MECOM: variants seen among roughly 807,000 people sequenced by gnomAD.
MECOM encodes the protein MDS1 and EVI1 complex locus.
Under a neutral mutation model 116.3 loss-of-function variants are expected in MECOM, and 13 were observed. The ratio of observed to expected loss-of-function variants is 0.11; its 90% CI spans 0.07 to 0.18. The LOEUF is 0.18. MECOM is among the 10% of genes least tolerant of loss of function. MECOM has a pLI of 1.00. For missense variants in MECOM, 1,299 were observed against 1,509.0 expected (o/e 0.86, Z 2.31); for synonymous variants, 528 against 535.2 (o/e 0.99, Z 0.19).
At chr3:169,653,587 T>A (rs1775180129) in intron 1 of MECOM, among the ~76,000 whole-genome samples, 1 of 151,496 alleles carries the variant, frequency 6.6e-6, no homozygotes, top group Admixed American at 6.6e-5. Context: ...TGGCCAAAAT[T>A]TGGATGGTAG....
intron 7 of MECOM, among the ~76,000 whole-genome samples, chr3:169,120,111 C>G (rs1455078925): frequency 2.6e-5 from 4 of 152,182 alleles, no homozygotes; most frequent in African/African-American, 9.7e-5. Flanking sequence ...GAGTATGCTT[C>G]AACCAATTCT....
chr3:169,273,751 T>C (rs565130027), intron 2 of MECOM, among the ~76,000 whole-genome samples: 10 of 152,108 alleles, frequency 6.6e-5, no homozygotes, highest in African/African-American at 1.7e-4. Context: ...AAAGGCCCCA[T>C]AGGGCAGCAA....
At chr3:169,215,087 GTTTAAC>G (rs2149483809) in intron 2 of MECOM, among the ~76,000 whole-genome samples, 1 of 150,678 alleles carries the variant, frequency 6.6e-6, no homozygotes, top group Non-Finnish European at 1.5e-5. Context: ...AGCCATGTTT[GTTTAAC>G]TTTATTTTAT....
At chr3:169,521,256 C>T (rs768851221) in intron 1 of MECOM, among the ~76,000 whole-genome samples, 1 of 152,184 alleles carries the variant, frequency 6.6e-6, no homozygotes, top group Non-Finnish European at 1.5e-5. Flanking sequence ...AACTTCCCTA[C>T]TCCTTACAGC....
intron 2 of MECOM, among the ~76,000 whole-genome samples, chr3:169,323,013 A>T (rs1320050379): frequency 8.6e-5 from 13 of 150,700 alleles, no homozygotes; most frequent in Non-Finnish European, 1.3e-4. Flanking sequence ...AAAAAAAAAA[A>T]AAAAAAAAAA....
intron 2 of MECOM, among the ~76,000 whole-genome samples, chr3:169,343,381 G>C (rs1724870945): frequency 6.6e-6 from 1 of 152,066 alleles, no homozygotes; most frequent in Non-Finnish European, 1.5e-5. Context: ...TGACAATGTT[G>C]GCAGCTGCTT....
At position 169,116,062 on chromosome 3, in the gene MECOM, C is replaced by T; in HGVS notation, c.1810G>A (p.Asp604Asn). 1 of 1,614,138 alleles carries T rather than the reference C, an allele frequency of 6.2e-7. No individual in the cohort carries two copies. The highest frequency in any genetic ancestry group is 8.5e-7 in the Non-Finnish European group (1 of 1,180,034). Reference sequence around the variant, plus strand: ...AATTTCTCTTTATCACTTTCAATGTCACTTTCCAGATCAGAGCCCGAGGTT... The same window carrying T: ...AATTTCTCTTTATCACTTTCAATGTTACTTTCCAGATCAGAGCCCGAGGTT... ...ETTSGSDLESDIESDKEKFKE... is the reference protein window; with the variant it reads ...ETTSGSDLESNIESDKEKFKE... The change falls in exon 8 of 17, where the codon GAC becomes AAC. Residue 604 changes from aspartate (D) to asparagine (N), a missense_variant. By Grantham distance (23) the Asp-to-Asn change is conservative (BLOSUM62 1). Coordinates refer to ENST00000651503, the MANE Select transcript of MECOM (RefSeq NM_004991.4).
At chr3:169,147,758 G>A in intron 2 of MECOM, 1 of 980,400 alleles carries the variant, frequency 1.0e-6, no homozygotes, top group African/African-American at 1.8e-5. Context: ...GTGTGCATGT[G>A]TGTGTGTGAG....
chr3:169,263,934 G>GAA (rs1192647507), intron 2 of MECOM, among the ~76,000 whole-genome samples: 1 of 146,376 alleles, frequency 6.8e-6, no homozygotes, highest in African/African-American at 2.5e-5. Flanking sequence ...ATTCCACAAG[G>GAA]AAAAAAAAAA....
intron 1 of MECOM, among the ~76,000 whole-genome samples, chr3:169,483,203 T>A (rs534817027): frequency 0.02 from 978 of 48,296 alleles, 4 homozygotes; most frequent in Middle Eastern, 0.049. Flanking sequence ...TTTATTTTTA[T>A]TTTTTTTTTT....
rs114062214 is a variant in MECOM, at chr3:169,096,279, T to G, written c.2850-1034A>C. On this transcript the variant is annotated intron_variant, in intron 12 of 16. Coordinates refer to ENST00000651503, the MANE Select transcript of MECOM (RefSeq NM_004991.4). ...ACTTTCTCCAAATGACCTTTTTTTTTTTTGTTTTTTAGATGGAGTCTCACT... is the reference window on the plus strand; with the variant it reads ...ACTTTCTCCAAATGACCTTTTTTTTGTTTGTTTTTTAGATGGAGTCTCACT... Among the ~76,000 whole-genome samples the G allele has an allele frequency of 6.0e-3, 906 of 151,990 alleles. 8 individuals carry two copies. The highest frequency in any genetic ancestry group is 0.017 in the African/African-American group (690 of 41,396).
chr3:169,337,742 C>T (rs909209074), intron 2 of MECOM, among the ~76,000 whole-genome samples: 1 of 152,112 alleles, frequency 6.6e-6, no homozygotes, highest in African/African-American at 2.4e-5. Flanking sequence ...TATAAAAGGG[C>T]ATTGTTAAAA....
intron 1 of MECOM, among the ~76,000 whole-genome samples, chr3:169,499,618 G>GGA (rs1553872668): frequency 6.7e-6 from 1 of 150,114 alleles, no homozygotes; most frequent in Non-Finnish European, 1.5e-5. Context: ...CGACCAGGGG[G>GGA]AAAAAAAAAG....
intron 1 of MECOM, among the ~76,000 whole-genome samples, chr3:169,492,711 C>A (rs995239065): frequency 2.6e-5 from 4 of 152,082 alleles, no homozygotes; most frequent in African/African-American, 9.7e-5. Context: ...CCTCTAATCC[C>A]AGCACTTTGG....
intron 2 of MECOM, among the ~76,000 whole-genome samples, chr3:169,304,594 C>T (rs1717339462): frequency 6.6e-6 from 1 of 152,164 alleles, no homozygotes; most frequent in Admixed American, 6.5e-5. Context: ...CTGAGCTACA[C>T]AGAAGATAAA....
chr3:169,284,611 A>C (rs867098557), intron 2 of MECOM, among the ~76,000 whole-genome samples: 1 of 152,056 alleles, frequency 6.6e-6, no homozygotes. Flanking sequence ...GTGTATATAC[A>C]AATGTATAGA....
intron 2 of MECOM, among the ~76,000 whole-genome samples, chr3:169,198,588 C>A (rs1249685661): frequency 1.3e-5 from 2 of 151,876 alleles, no homozygotes; most frequent in African/African-American, 2.4e-5. Context: ...TATTTAATTT[C>A]TTCTCTTGCC....
intron 1 of MECOM, among the ~76,000 whole-genome samples, chr3:169,491,945 G>C (rs1753143063): frequency 1.3e-5 from 2 of 152,088 alleles, no homozygotes; most frequent in African/African-American, 4.8e-5. Flanking sequence ...ATTTTGCCTT[G>C]TTTGTTTAAC....
intron 2 of MECOM, among the ~76,000 whole-genome samples, chr3:169,180,377 C>T (rs79514433): frequency 0.059 from 9,045 of 152,108 alleles, 442 homozygotes; most frequent in East Asian, 0.29. Flanking sequence ...TACATACACA[C>T]TATGTGTAGT....
Sources: allele counts gnomAD v4.1 joint callset (sites outside exome capture counted in the v4.1 genomes callset), GRCh38; gene constraint gnomAD v4.1.1; transcripts MANE v1.5; gene names NCBI Gene and HGNC (gene_info 2026-07-23, HGNC 2026-07-21).